Variants in PPP2R2B observed in about 807,000 individuals in gnomAD.
PPP2R2B encodes the protein serine/threonine-protein phosphatase 2A 55 kDa regulatory subunit B beta isoform.
A neutral mutation model predicts 46.0 loss-of-function variants in PPP2R2B; 5 were observed. The ratio of observed to expected loss-of-function variants is 0.11; its 90% CI spans 0.06 to 0.23. PPP2R2B has a LOEUF of 0.23. Among genes scored for constraint, PPP2R2B ranks in the 10% least tolerant of loss-of-function variants. The pLI is 1.00. For missense variants in PPP2R2B, 367 were observed against 575.0 expected (o/e 0.64, Z 3.70); for synonymous variants, 215 against 206.7 (o/e 1.04, Z -0.34).
intron 2 of PPP2R2B, among the ~76,000 whole-genome samples, chr5:146,821,657 A>G (rs1758268930): frequency 6.6e-6 from 1 of 152,204 alleles, no homozygotes. Context: ...CACTTCAAAA[A>G]AAGATAATAG....
At chr5:146,600,259 C>T in intron 8 of PPP2R2B, 32 bp downstream of exon 8, 4 of 1,604,134 alleles carry the variant, frequency 2.5e-6, no homozygotes, top group Admixed American at 1.7e-5. Context: ...AGGGAATGTT[C>T]AATATACCTA....
chr5:146,736,493 G>A (rs754925700), intron 2 of PPP2R2B, among the ~76,000 whole-genome samples: 2 of 152,048 alleles, frequency 1.3e-5, no homozygotes, highest in South Asian at 2.1e-4. Flanking sequence ...GCTCCAGATC[G>A]TGCAGGAAGA....
chr5:147,049,123 T>A (rs1756677660), intron 1 of PPP2R2B, among the ~76,000 whole-genome samples: 2 of 151,352 alleles, frequency 1.3e-5, no homozygotes, highest in East Asian at 1.9e-4. Flanking sequence ...TGTGTGTGTG[T>A]GAGATATTTT....
intron 2 of PPP2R2B, among the ~76,000 whole-genome samples, chr5:146,733,254 A>G (rs561186447): frequency 6.6e-6 from 1 of 152,316 alleles, no homozygotes; most frequent in South Asian, 2.1e-4. Context: ...GTATTTCCAA[A>G]GTACAGGGCT....
Position 146,581,496 on chromosome 5 carries a change from A to G in PPP2R2B, c.*8451T>C, listed in dbSNP as rs1410959175. 1 of 152,212 alleles carries G rather than the reference A, an allele frequency of 6.6e-6. No individual in the cohort carries two copies. The highest frequency in any genetic ancestry group is 1.5e-5 in the Non-Finnish European group (1 of 68,034). The allele number at this position is 152,212 out of a possible 1,614,324, so 9.4% of individuals were successfully genotyped here. ...TACAATTTGACATGAGATTATGGTGAGGACACAGATCCAAATCATGTCAAT... is the reference window on the plus strand; with the variant it reads ...TACAATTTGACATGAGATTATGGTGGGGACACAGATCCAAATCATGTCAAT... On this transcript the variant is annotated 3_prime_UTR_variant, in exon 10 of 10. Transcript: ENST00000394411.
chr5:146,802,571 G>T (rs1756927511), intron 2 of PPP2R2B, among the ~76,000 whole-genome samples: 1 of 152,152 alleles, frequency 6.6e-6, no homozygotes, highest in Admixed American at 6.5e-5. Context: ...AGTATCCCCA[G>T]GTGATGCAAA....
chr5:146,989,580 G>A (rs1753595163), intron 1 of PPP2R2B, among the ~76,000 whole-genome samples: 2 of 152,004 alleles, frequency 1.3e-5, no homozygotes, highest in South Asian at 4.2e-4. Context: ...GACAAACTGA[G>A]TATAAAGGAA....
At position 147,049,116 on chromosome 5, in the gene PPP2R2B, G is replaced by GTGTGTGTGTGTT. The variant is rs1554088782; in HGVS notation, c.79+6548_79+6549insAACACACACACA. Among the ~76,000 whole-genome samples, 153 of 151,024 alleles carry GTGTGTGTGTGTT rather than the reference G, an allele frequency of 1.0e-3. 2 individuals carry two copies. The highest frequency in any genetic ancestry group is 3.1e-4 in the Non-Finnish European group (21 of 67,600). On this transcript the variant is annotated intron_variant, in intron 1 of 8. Coordinates refer to the PPP2R2B transcript ENST00000336640. The stretch of plus-strand genomic sequence containing the variant: ...GGAATGAGCATGTGTGTGTGTGTGT[G>GTGTGTGTGTGTT]TGTGTGTGAGATATTTTACATAGGA...
intron 6 of PPP2R2B, among the ~76,000 whole-genome samples, chr5:146,646,200 ATCATCG>A (rs1368997931): frequency 2.0e-5 from 3 of 152,188 alleles, no homozygotes; most frequent in Admixed American, 2.0e-4. Context: ...TGCTCAATTT[ATCATCG>A]TTGAGGGCTA....
At position 146,792,386 on chromosome 5, in the gene PPP2R2B, A is replaced by G. The variant is rs17105387; in HGVS notation, c.70+85616T>C. On this transcript the variant is annotated intron_variant, in intron 2 of 9. Coordinates refer to ENST00000394411, the MANE Select transcript of PPP2R2B (RefSeq NM_181675.4). ...TGCCACATTGTTCATGCATTCATCC[A>G]TTCAACATGTAGTTGACCACCACTT... Among the ~76,000 whole-genome samples, 504 of 152,322 alleles carry G rather than the reference A, an allele frequency of 3.3e-3. 2 individuals carry two copies. The highest frequency in any genetic ancestry group is 0.011 in the African/African-American group (477 of 41,574).
At chr5:147,028,031 T>C (rs1755611209) in intron 1 of PPP2R2B, among the ~76,000 whole-genome samples, 1 of 152,160 alleles carries the variant, frequency 6.6e-6, no homozygotes, top group Non-Finnish European at 1.5e-5. Context: ...AAGTTGACTT[T>C]ATCAACAGCT....
intron 9 of PPP2R2B, among the ~76,000 whole-genome samples, 168 bp from the exon 10 acceptor site, chr5:146,590,394 TTG>T (rs1770505512): frequency 6.9e-6 from 1 of 145,132 alleles, no homozygotes; most frequent in Non-Finnish European, 1.5e-5. Flanking sequence ...TGTTTTTTTT[TTG>T]TGTTTTTTTT....
intron 8 of PPP2R2B, among the ~76,000 whole-genome samples, chr5:146,595,384 C>T (rs1240526663): frequency 4.6e-5 from 7 of 152,228 alleles, no homozygotes; most frequent in Admixed American, 2.0e-4. Context: ...CTTTCCTCAT[C>T]TGTCACCATT....
intron 2 of PPP2R2B, among the ~76,000 whole-genome samples, chr5:146,838,214 A>T (rs1759411202): frequency 6.6e-6 from 1 of 152,220 alleles, no homozygotes; most frequent in South Asian, 2.1e-4. Flanking sequence ...AGCTACTAAC[A>T]TCACCATTTT....
At chr5:146,990,505 T>C (rs115047016) in intron 1 of PPP2R2B, among the ~76,000 whole-genome samples, 3,420 of 152,146 alleles carry the variant, frequency 0.022, 149 homozygotes, top group African/African-American at 0.077. Context: ...GTGGAAAAAC[T>C]AGATAGTCAC....
At chr5:146,609,516 C>A (rs190299271) in intron 7 of PPP2R2B, among the ~76,000 whole-genome samples, 3 of 152,156 alleles carry the variant, frequency 2.0e-5, no homozygotes. Flanking sequence ...GGAACAGCTC[C>A]GGTCTACAGC....
intron 1 of PPP2R2B, among the ~76,000 whole-genome samples, chr5:146,953,098 C>T (rs1472080035): frequency 6.6e-6 from 1 of 152,124 alleles, no homozygotes; most frequent in Non-Finnish European, 1.5e-5. Flanking sequence ...TACATGCCCT[C>T]CTGCTAATCA....
rs146603819 is a variant in PPP2R2B at position 146,638,493 on chromosome 5, A to G, written c.626-78T>C. ...GAAGGGGAGAATTAGCAATGGCACC[A>G]TCTTATATTAGTAAAATATGTCAAC... On this transcript the variant is annotated intron_variant, in intron 6 of 9. Transcript: ENST00000394411. 1,180 of 1,305,298 alleles carry G rather than the reference A, an allele frequency of 9.0e-4. 17 individuals carry two copies. The African/African-American group carries it at 0.014, about 16-fold the overall frequency. 80.9% of individuals were successfully genotyped at this position (1,305,298 alleles called of 1,614,324 possible).
At chr5:147,010,248 C>A (rs1039370370) in intron 1 of PPP2R2B, among the ~76,000 whole-genome samples, 1 of 152,132 alleles carries the variant, frequency 6.6e-6, no homozygotes, top group Non-Finnish European at 1.5e-5. Flanking sequence ...TGATCCCCAA[C>A]GTTTTTGGCA....
Sources: allele counts gnomAD v4.1 joint callset (sites outside exome capture counted in the v4.1 genomes callset), GRCh38; gene constraint gnomAD v4.1.1; transcripts MANE v1.5; gene names NCBI Gene and HGNC (gene_info 2026-07-23, HGNC 2026-07-21).